The following TRPS1 variants were observed in gnomAD, a reference collection of about 807,000 sequenced individuals.
The protein encoded by TRPS1 is transcriptional repressor GATA binding 1.
A neutral mutation model predicts 101.2 loss-of-function variants in TRPS1; 6 were observed. The ratio of observed to expected loss-of-function variants is 0.06; its 90% CI spans 0.03 to 0.12. The LOEUF is 0.12. TRPS1 is among the 10% of genes least tolerant of loss of function. The probability of loss-of-function intolerance (pLI) is 1.00; values close to 1 mark genes in which losing one functional copy is unlikely to be tolerated. For missense variants in TRPS1, 1,363 were observed against 1,567.0 expected (o/e 0.87, Z 2.20); for synonymous variants, 578 against 589.8 (o/e 0.98, Z 0.29).
At chr8:115,548,450 G>T (rs1015724754) in intron 5 of TRPS1, among the ~76,000 whole-genome samples, 3 of 152,002 alleles carry the variant, frequency 2.0e-5, no homozygotes, top group African/African-American at 7.2e-5. Flanking sequence ...CGATTCTCCT[G>T]CCTCAGCCTC....
At chr8:115,451,015 C>T (rs890105401) in intron 5 of TRPS1, among the ~76,000 whole-genome samples, 5 of 152,174 alleles carry the variant, frequency 3.3e-5, no homozygotes, top group Non-Finnish European at 7.4e-5. Flanking sequence ...TTAGAGTGAA[C>T]AAGGACTCCT....
intron 5 of TRPS1, among the ~76,000 whole-genome samples, chr8:115,458,380 C>T (rs1270278097): frequency 6.6e-6 from 1 of 152,110 alleles, no homozygotes; most frequent in African/African-American, 2.4e-5. Context: ...TAGACATAAA[C>T]ATACTGAATC....
chr8:115,452,555 T>A (rs1813902373), intron 5 of TRPS1, among the ~76,000 whole-genome samples: 1 of 152,224 alleles, frequency 6.6e-6, no homozygotes, highest in Admixed American at 6.5e-5. Context: ...ATAAGACAGT[T>A]TGCAGACAAT....
intron 1 of TRPS1, among the ~76,000 whole-genome samples, chr8:115,630,780 T>C (rs538442839): frequency 2.0e-5 from 3 of 152,174 alleles, no homozygotes; most frequent in Admixed American, 2.0e-4. Flanking sequence ...AGAAGTTAAA[T>C]CGCTTGTCTA....
chr8:115,642,237 G>C (rs1563664835), intron 1 of TRPS1, among the ~76,000 whole-genome samples: 2 of 134,334 alleles, frequency 1.5e-5, no homozygotes, highest in African/African-American at 7.4e-5. Context: ...AAAAAGAAAA[G>C]AAACCTGTGT....
chr8:115,556,358 A>C (rs775013559), intron 5 of TRPS1, among the ~76,000 whole-genome samples: 5 of 152,128 alleles, frequency 3.3e-5, no homozygotes, highest in Non-Finnish European at 7.3e-5. Context: ...CTGACTGATA[A>C]GCAGCATATT....
intron 5 of TRPS1, among the ~76,000 whole-genome samples, chr8:115,524,541 G>T: frequency 6.6e-6 from 1 of 151,676 alleles, no homozygotes; most frequent in Admixed American, 6.6e-5. Flanking sequence ...GGCTGGTCTC[G>T]AACTCCTGAC....
At chr8:115,429,767 T>C (rs1160929431) in intron 5 of TRPS1, among the ~76,000 whole-genome samples, 2 of 152,200 alleles carry the variant, frequency 1.3e-5, no homozygotes, top group African/African-American at 4.8e-5. Context: ...CCCTGCCTTA[T>C]GTTTATATTC....
intron 5 of TRPS1, among the ~76,000 whole-genome samples, chr8:115,497,622 A>G (rs1000969638): frequency 2.6e-5 from 4 of 152,238 alleles, no homozygotes; most frequent in Non-Finnish European, 5.9e-5. Flanking sequence ...GAAAGTGGAA[A>G]GGGATAATTC....
chr8:115,497,225 AAACTGT>A (rs1167314771), intron 5 of TRPS1, among the ~76,000 whole-genome samples: 1 of 152,200 alleles, frequency 6.6e-6, no homozygotes, highest in Non-Finnish European at 1.5e-5. Context: ...TTTGGGGATG[AAACTGT>A]TCCTCCTCAG....
chr8:115,618,776 G>T (rs1051249959), intron 3 of TRPS1, among the ~76,000 whole-genome samples: 2 of 152,254 alleles, frequency 1.3e-5, no homozygotes, highest in African/African-American at 2.4e-5. Flanking sequence ...CTGGAACAAG[G>T]CATGAATTAT....
At chr8:115,492,422 ACAATTGT>A (rs1414608747) in intron 5 of TRPS1, among the ~76,000 whole-genome samples, 3 of 151,958 alleles carry the variant, frequency 2.0e-5, no homozygotes, top group Non-Finnish European at 2.9e-5. Flanking sequence ...ACTGAATACA[ACAATTGT>A]CAATTGTTAT....
chr8:115,434,301 C>T (rs1388423347), intron 5 of TRPS1, among the ~76,000 whole-genome samples: 1 of 152,076 alleles, frequency 6.6e-6, no homozygotes, highest in Non-Finnish European at 1.5e-5. Flanking sequence ...TATTTCAAAA[C>T]AAATACATTC....
rs374751360 is a variant in TRPS1 at position 115,535,307 on chromosome 8, C to CAT, written c.2700+51692_2700+51693dup. ...TAGCATATATATAGCATATATATAG[C>CAT]ATATATAGCATATATAGAGCATATA... On this transcript the variant is annotated intron_variant, in intron 5 of 6. Coordinates refer to ENST00000395715, the MANE Select transcript of TRPS1 (RefSeq NM_014112.5). Among the ~76,000 whole-genome samples, 137 of 132,194 alleles carry CAT rather than the reference C, an allele frequency of 1.0e-3. 3 individuals carry two copies. The highest frequency in any genetic ancestry group is 7.1e-3 in the Middle Eastern group (1 of 140). The allele number at this position is 132,194 out of a possible 152,430, so 86.7% of individuals were successfully genotyped here. A position where few individuals can be genotyped will look rare whatever the true frequency, so the allele number is the denominator to read the frequency against.
intron 1 of TRPS1, among the ~76,000 whole-genome samples, chr8:115,634,834 A>C (rs1818730113): frequency 6.6e-6 from 1 of 151,902 alleles, no homozygotes; most frequent in Non-Finnish European, 1.5e-5. Context: ...AGAAAATTGC[A>C]GCCTACTAAG....
chr8:115,466,878 C>T (rs1350116993), intron 5 of TRPS1, among the ~76,000 whole-genome samples: 2 of 151,686 alleles, frequency 1.3e-5, no homozygotes, highest in Non-Finnish European at 2.9e-5. Flanking sequence ...GTGTGATTTG[C>T]ATTATGTTAC....
chr8:115,414,191 A>G lies in TRPS1; in HGVS notation c.3717T>C (p.Asp1239=), dbSNP rs969364116. 1 of 1,614,068 alleles carries G rather than the reference A, an allele frequency of 6.2e-7. No homozygotes were observed. Among genetic ancestry groups the G allele is most frequent in the South Asian group, 1.1e-5 (1 of 91,082 alleles). Residue 1239 remains aspartate (D), a synonymous_variant, in exon 7 of 7, where the codon GAT becomes GAC. Coordinates refer to ENST00000395715, the MANE Select transcript of TRPS1 (RefSeq NM_014112.5). This position sits in a 1 kb window ranked among gnomAD's most constrained non-coding sequence, Gnocchi z 4.8. ...TCATATGCAAAGCATACATCACTTC[A>G]TCCAGAAAGACAATGCCACAGTGCA... The part of the protein sequence containing the change: ...KCVHCGIVFL[D]EVMYALHMSC...
chr8:115,476,899 C>G (rs1297692915), intron 5 of TRPS1, among the ~76,000 whole-genome samples: 1 of 152,140 alleles, frequency 6.6e-6, no homozygotes, highest in African/African-American at 2.4e-5. Context: ...ACTTAACACT[C>G]ATATATAATT....
At chr8:115,498,405 C>CTCTG (rs1815210935) in intron 5 of TRPS1, among the ~76,000 whole-genome samples, 2 of 85,670 alleles carry the variant, frequency 2.3e-5, no homozygotes, top group Non-Finnish European at 4.3e-5. Flanking sequence ...CTCTCTCTCT[C>CTCTG]TCTCTCTCTC....
Sources: allele counts gnomAD v4.1 joint callset (sites outside exome capture counted in the v4.1 genomes callset), GRCh38; gene constraint gnomAD v4.1.1; non-coding constraint Gnocchi (gnomAD v3.1); transcripts MANE v1.5; gene names NCBI Gene and HGNC (gene_info 2026-07-23, HGNC 2026-07-21).